The following CDC5L variants were observed in gnomAD, a reference collection of about 807,000 sequenced individuals.
CDC5L encodes the protein cell division cycle 5 like.
CDC5L carries 18 observed loss-of-function variants against 104.1 expected under a neutral mutation model. That is an observed-to-expected ratio of 0.17 (90% CI 0.12 to 0.26). The LOEUF (loss-of-function observed/expected upper bound fraction) is 0.26, where lower values mean the gene tolerates loss of function less well. Ranked by LOEUF, CDC5L falls within the 10% of genes least tolerant of loss-of-function variation. The probability of loss-of-function intolerance (pLI) is 1.00; values close to 1 mark genes in which losing one functional copy is unlikely to be tolerated. For missense variants in CDC5L, 673 were observed against 956.9 expected, an observed-to-expected ratio of 0.70 and a Z score of 3.91; for synonymous variants, 331 against 322.7, an observed-to-expected ratio of 1.03 and a Z score of -0.28.
intron 8 of CDC5L, among the ~76,000 whole-genome samples, chr6:44,418,914 G>A (rs1792028331): frequency 6.7e-6 from 1 of 150,370 alleles, no homozygotes; most frequent in Admixed American, 6.7e-5. Flanking sequence ...TGTCAGATGA[G>A]TAGGTTGCGA....
chr6:44,392,919 T>C, intron 3 of CDC5L, 91 bp downstream of exon 3: 1 of 1,163,386 alleles, frequency 8.6e-7, no homozygotes, highest in Non-Finnish European at 1.2e-6. Flanking sequence ...TTTAAACTTT[T>C]AATTATGGAT....
intron 14 of CDC5L, 33 bp downstream of exon 14, chr6:44,429,943 G>A (rs148326264): frequency 1.1e-5 from 17 of 1,541,018 alleles, no homozygotes; most frequent in Non-Finnish European, 1.4e-5. Context: ...AATTTTAAAT[G>A]TACTTTGATT....
chr6:44,407,656 G>A (rs1791435795), intron 7 of CDC5L, among the ~76,000 whole-genome samples: 1 of 152,086 alleles, frequency 6.6e-6, no homozygotes, highest in Admixed American at 6.6e-5. Context: ...TCTGTTTTGA[G>A]TAGTACAGCT....
At chr6:44,437,589 A>G (rs1792995254) in intron 14 of CDC5L, among the ~76,000 whole-genome samples, 1 of 152,234 alleles carries the variant, frequency 6.6e-6, no homozygotes, top group South Asian at 2.1e-4. Flanking sequence ...TTGGCATTAA[A>G]GGAAAGCTAA....
intron 1 of CDC5L, 52 bp downstream of exon 1, chr6:44,387,920 G>C (rs773990872): frequency 3.9e-6 from 6 of 1,533,778 alleles, no homozygotes; most frequent in Non-Finnish European, 5.3e-6. Flanking sequence ...CTAGCAGCTT[G>C]TGCGCACGCG....
intron 7 of CDC5L, among the ~76,000 whole-genome samples, chr6:44,407,780 G>T (rs1235614074): frequency 2.0e-5 from 3 of 152,196 alleles, no homozygotes; most frequent in African/African-American, 7.2e-5. Context: ...GGGCATAAAC[G>T]AGTTTTGTCA....
chr6:44,392,049 GT>G (rs1790648534), intron 2 of CDC5L, among the ~76,000 whole-genome samples: 1 of 152,186 alleles, frequency 6.6e-6, no homozygotes, highest in East Asian at 1.9e-4. Flanking sequence ...TCTGATTTCT[GT>G]TTGTCTTAGT....
At chr6:44,395,388 A>G (rs1254282176) in intron 4 of CDC5L, among the ~76,000 whole-genome samples, 1 of 152,208 alleles carries the variant, frequency 6.6e-6, no homozygotes, top group Non-Finnish European at 1.5e-5. Flanking sequence ...GTATCAGTTA[A>G]CAGAATCAGG....
At chr6:44,441,778 C>G (rs566031988) in intron 14 of CDC5L, among the ~76,000 whole-genome samples, 54 of 152,134 alleles carry the variant, frequency 3.5e-4, no homozygotes, top group African/African-American at 1.3e-3. Flanking sequence ...AATGTCTATT[C>G]AGGTCCTTTC....
intron 9 of CDC5L, among the ~76,000 whole-genome samples, chr6:44,422,146 A>C (rs1349688761): frequency 6.6e-6 from 1 of 152,238 alleles, no homozygotes; most frequent in Non-Finnish European, 1.5e-5. Context: ...ATGTGATTTC[A>C]AAAGTGTGGT....
chr6:44,411,631 A>AGTGTGTGTGTGTGTGTGTGT (rs756188413), intron 8 of CDC5L, among the ~76,000 whole-genome samples: 8 of 9,226 alleles, frequency 8.7e-4, no homozygotes, highest in African/African-American at 2.3e-3. Context: ...AGAGAGAGAG[A>AGTGTGTGTGTGTGTGTGTGT]GAGAGAGTGT....
chr6:44,429,642 T>C, intron 13 of CDC5L, 71 bp from the exon 14 acceptor site: 2 of 1,360,522 alleles, frequency 1.5e-6, no homozygotes, highest in Admixed American at 4.1e-5. Flanking sequence ...AAAAAATTAG[T>C]CTTCTAAAGC....
At chr6:44,426,043 T>A in intron 11 of CDC5L, 60 bp from the exon 12 acceptor site, 1 of 1,163,790 alleles carries the variant, frequency 8.6e-7, no homozygotes, top group Non-Finnish European at 1.2e-6. Flanking sequence ...GTTTTTAGCT[T>A]TACTGAGAGA....
At chr6:44,390,499 G>T in intron 2 of CDC5L, 128 bp downstream of exon 2, 1 of 651,218 alleles carries the variant, frequency 1.5e-6, no homozygotes. Flanking sequence ...GTGGGAGATG[G>T]AAGTTGGGTG....
intron 14 of CDC5L, among the ~76,000 whole-genome samples, chr6:44,442,322 G>T (rs183386005): frequency 3.3e-5 from 5 of 151,654 alleles, no homozygotes; most frequent in Admixed American, 2.6e-4. Flanking sequence ...ATTGTTTTCT[G>T]TTTATAGATC....
At chr6:44,391,325 T>C in intron 2 of CDC5L, among the ~76,000 whole-genome samples, 1 of 152,008 alleles carries the variant, frequency 6.6e-6, no homozygotes, top group Middle Eastern at 3.2e-3. Context: ...CTCAGCTCAC[T>C]GCAAGCTTTG....
intron 6 of CDC5L, among the ~76,000 whole-genome samples, chr6:44,405,353 G>C (rs1339674122): frequency 6.6e-6 from 1 of 152,128 alleles, no homozygotes; most frequent in Non-Finnish European, 1.5e-5. Context: ...CTTTGCTTTA[G>C]GTAGGCTCTA....
At chr6:44,406,999 G>T (rs1791399795) in intron 7 of CDC5L, among the ~76,000 whole-genome samples, 1 of 152,176 alleles carries the variant, frequency 6.6e-6, no homozygotes, top group African/African-American at 2.4e-5. Context: ...CAGCTTCTCT[G>T]TATAAATTAT....
intron 2 of CDC5L, among the ~76,000 whole-genome samples, chr6:44,390,680 CA>C (rs1363304980): frequency 6.6e-6 from 1 of 152,096 alleles, no homozygotes; most frequent in Non-Finnish European, 1.5e-5. Context: ...CTTTGTGAAG[CA>C]TACAAAGTCT....
Sources: gnomAD v4.1 joint callset for allele counts (sites outside exome capture counted in the v4.1 genomes callset) on GRCh38, gnomAD v4.1.1 for gene constraint, MANE v1.5 for transcripts, NCBI Gene and HGNC (gene_info 2026-07-23, HGNC 2026-07-21) for gene names.